Variants in KRTAP5-10 observed in about 807,000 individuals in gnomAD.
KRTAP5-10 encodes keratin associated protein 5-10, also known as keratin-associated protein 5-10.
KRTAP5-10 carries 1 observed loss-of-function variant against 1.6 expected under a neutral mutation model. The observed-to-expected ratio is 0.64, with a 90% CI of 0.23 to 3.04. KRTAP5-10 has a LOEUF of 3.04. Among genes scored for constraint, KRTAP5-10 ranks in the 30% most tolerant of loss-of-function variants. The pLI is 0.21. For synonymous variants in KRTAP5-10, 76 were observed against 102.0 expected (o/e 0.75, Z 1.54); for missense variants, 219 against 255.2 (o/e 0.86, Z 0.97).
In KRTAP5-10 at chr11:71,565,669, T is replaced by C. The variant is rs773754415; in HGVS notation, c.82T>C (p.Cys28Arg). The C allele has an allele frequency of 3.8e-6, 6 of 1,589,642 alleles. No homozygotes were observed. Among genetic ancestry groups the C allele is most frequent in the Middle Eastern group, 2.1e-4 (1 of 4,790 alleles). The change falls in exon 1 of 1, where the codon TGT becomes CGT. Residue 28 changes from cysteine (C) to arginine (R), a missense_variant. By Grantham distance (180) the Cys-to-Arg change is radical. Around this residue, in one of 3 missense-constraint regions of KRTAP5-10, gnomAD observed 92 missense variants for 108.8 expected, o/e 0.85. Transcript: ENST00000398531. The part of the protein sequence containing the change: ...GSGCGGCGSG[C>R]GGYGSGCGGC... Reference sequence around the variant, plus strand: ...CGGCTGTGGGGGCTGTGGCTCCGGCTGTGGGGGCTATGGCTCTGGCTGTGG... The same window carrying C: ...CGGCTGTGGGGGCTGTGGCTCCGGCCGTGGGGGCTATGGCTCTGGCTGTGG...
Position 71,566,334 on chromosome 11 carries a change from T to A in KRTAP5-10, c.*138T>A. 2 of 1,324,874 alleles carry A rather than the reference T, an allele frequency of 1.5e-6. No individual in the cohort carries two copies. The highest frequency in any genetic ancestry group is 2.4e-5 in the East Asian group (1 of 42,502). The allele number at this position is 1,324,874 out of a possible 1,614,324, so 82.1% of individuals were successfully genotyped here. A position where few individuals can be genotyped will look rare whatever the true frequency, so the allele number is the denominator to read the frequency against. On this transcript the variant is annotated 3_prime_UTR_variant, in exon 1 of 1. Coordinates refer to ENST00000398531, the MANE Select transcript of KRTAP5-10 (RefSeq NM_001012710.2). ...CTCATCATCCATGCACGCACCTCCT[T>A]CCATGGCTCAGCTCTCCACTGGGCC...
chr11:71,566,109 C>G lies in KRTAP5-10; in HGVS notation c.522C>G (p.Val174=). 1 of 1,610,088 alleles carries G rather than the reference C, an allele frequency of 6.2e-7. No homozygotes were observed. ...NPCCCQSSCC[V]PVCCQSSCCK... The stretch of plus-strand genomic sequence containing the variant: ...GCTGCTGCCAGTCCAGCTGCTGTGT[C>G]CCCGTGTGCTGCCAGTCTAGCTGCT... The change falls in exon 1 of 1, where the codon GTC becomes GTG. Residue 174 remains valine, a synonymous_variant. Coordinates refer to ENST00000398531, the MANE Select transcript of KRTAP5-10 (RefSeq NM_001012710.2).
rs924160482 is a variant in KRTAP5-10 at position 71,566,578 on chromosome 11, T to C, written c.*382T>C. 1.4e-4 allele frequency: 38 copies of C among 278,960 alleles called. No individual in the cohort carries two copies. The highest frequency in any genetic ancestry group is 3.6e-4 in the Admixed American group (7 of 19,456). The allele number at this position is 278,960 out of a possible 1,614,324, so 17.3% of individuals were successfully genotyped here. A position where few individuals can be genotyped will look rare whatever the true frequency, so the allele number is the denominator to read the frequency against. ...CTAAGAACCAGCTTCTCAACCACCA[T>C]TGGGACCCTGGATCCTCCAGGGCCG... On this transcript the variant is annotated 3_prime_UTR_variant, in exon 1 of 1. Transcript: ENST00000398531.
At position 71,566,242 on chromosome 11, in the gene KRTAP5-10, T is replaced by C; in HGVS notation, c.*46T>C. ...AGGTTTCACCTGTTTGGTGAAAGCA[T>C]TTGTTATGATTTCCCTGAATTAATT... On this transcript the variant is annotated 3_prime_UTR_variant, in exon 1 of 1. Transcript: ENST00000398531. 2 of 1,610,094 alleles carry C rather than the reference T, an allele frequency of 1.2e-6. No homozygotes were observed. Among genetic ancestry groups the C allele is most frequent in the Non-Finnish European group, 1.7e-6 (2 of 1,177,082 alleles).
chr11:71,566,227 T>G lies in KRTAP5-10; in HGVS notation c.*31T>G, dbSNP rs66487667. The stretch of plus-strand genomic sequence containing the variant: ...TGAACCCAGACCTTCAGGTTTCACC[T>G]GTTTGGTGAAAGCATTTGTTATGAT... On this transcript the variant is annotated 3_prime_UTR_variant, in exon 1 of 1. Coordinates refer to ENST00000398531, the MANE Select transcript of KRTAP5-10 (RefSeq NM_001012710.2). The G allele has an allele frequency of 0.09, 144,995 of 1,612,786 alleles. 7,652 individuals are homozygous for G. Among genetic ancestry groups the G allele is most frequent in the Middle Eastern group, 0.19 (1,139 of 6,052 alleles).
At position 71,566,064 on chromosome 11, in the gene KRTAP5-10, G is replaced by A; in HGVS notation, c.477G>A (p.Gln159=). 6.2e-7 allele frequency: 1 copy of A among 1,611,310 alleles called. No individual in the cohort carries two copies. The highest frequency in any genetic ancestry group is 8.5e-7 in the Non-Finnish European group (1 of 1,179,648). The change falls in exon 1 of 1, where the codon CAG becomes CAA. Residue 159 remains glutamine (Q), a synonymous_variant. Transcript: ENST00000398531. ...CCTCAGGCTGTGGATCCTGCTGCCAGTCCAGCTGCTGCAATCCCTGCTGCT... is the reference window on the plus strand; with the variant it reads ...CCTCAGGCTGTGGATCCTGCTGCCAATCCAGCTGCTGCAATCCCTGCTGCT... ...CCSSGCGSCC[Q]SSCCNPCCCQ...
chr11:71,565,602 C>G lies in KRTAP5-10; in HGVS notation c.15C>G (p.Gly5=). Residue 5 remains glycine (G), a synonymous_variant, in exon 1 of 1, where the codon GGC becomes GGG. Transcript: ENST00000398531. MGCC[G]CSGGCGSGCG... is the part of the protein sequence containing the mutation. ...CTACCAGAATCATGGGCTGCTGTGG[C>G]TGCTCCGGAGGCTGTGGCTCCGGCT... 1 of 1,611,116 alleles carries G rather than the reference C, an allele frequency of 6.2e-7. No homozygotes were observed. Among genetic ancestry groups the G allele is most frequent in the Non-Finnish European group, 8.5e-7 (1 of 1,179,572 alleles).
rs781339465 is a variant in KRTAP5-10 at position 71,565,961 on chromosome 11, G to T, written c.374G>T (p.Gly125Val). The part of the protein sequence containing the change: ...GSCGGSKGGC[G>V]SCGGSKGGCG... ...TGTGGGGGCTCCAAAGGTGGCTGTG[G>T]TTCCTGTGGGGGCTCCAAGGGGGGC... Residue 125 changes from glycine (G) to valine (V), a missense_variant, in exon 1 of 1, where the codon GGT (glycine) becomes GTT (valine). Coordinates refer to ENST00000398531, the MANE Select transcript of KRTAP5-10 (RefSeq NM_001012710.2). The T allele has an allele frequency of 2.5e-6, 4 of 1,584,242 alleles. No individual in the cohort carries two copies. The highest frequency in any genetic ancestry group is 3.4e-6 in the Non-Finnish European group (4 of 1,163,346).
rs1459674490 is a variant in KRTAP5-10 at position 71,565,824 on chromosome 11, C to A, written c.237C>A (p.Gly79=). 6.5e-7 allele frequency: 1 copy of A among 1,531,284 alleles called. No individual in the cohort carries two copies. Among genetic ancestry groups the A allele is most frequent in the South Asian group, 1.2e-5 (1 of 82,368 alleles). 94.9% of individuals were successfully genotyped at this position (1,531,284 alleles called of 1,614,324 possible). A position where few individuals can be genotyped will look rare whatever the true frequency, so the allele number is the denominator to read the frequency against. ...GSKGDCGSCG[G]SKGGCGSCGG... ...AGGGGGACTGTGGCTCTTGTGGGGGCTCCAAAGGGGGCTGTGGTTCCTGTG... is the reference window on the plus strand; with the variant it reads ...AGGGGGACTGTGGCTCTTGTGGGGGATCCAAAGGGGGCTGTGGTTCCTGTG... The change falls in exon 1 of 1, where the codon GGC becomes GGA. Residue 79 remains glycine, a synonymous_variant. Coordinates refer to ENST00000398531, the MANE Select transcript of KRTAP5-10 (RefSeq NM_001012710.2).
Position 71,566,358 on chromosome 11 carries a change from C to A in KRTAP5-10, c.*162C>A, listed in dbSNP as rs1309388855. On this transcript the variant is annotated 3_prime_UTR_variant, in exon 1 of 1. Transcript: ENST00000398531. ...TTCCATGGCTCAGCTCTCCACTGGGCCCTGCCTTCAGCCTCCTCACTCCGG... is the reference window on the plus strand; with the variant it reads ...TTCCATGGCTCAGCTCTCCACTGGGACCTGCCTTCAGCCTCCTCACTCCGG... 1.7e-6 allele frequency: 2 copies of A among 1,143,926 alleles called. No individual in the cohort carries two copies. The highest frequency in any genetic ancestry group is 2.5e-6 in the Non-Finnish European group (2 of 802,998). 70.9% of individuals were successfully genotyped at this position (1,143,926 alleles called of 1,614,324 possible).
rs767121977 is a variant in KRTAP5-10 at position 71,565,949 on chromosome 11, A to C, written c.362A>C (p.Lys121Thr). 47 of 1,342,044 alleles carry C rather than the reference A, an allele frequency of 3.5e-5. No homozygotes were observed. Among genetic ancestry groups the C allele is most frequent in the Non-Finnish European group, 4.6e-5 (47 of 1,020,018 alleles). The allele number at this position is 1,342,044 out of a possible 1,614,324, so 83.1% of individuals were successfully genotyped here. Residue 121 changes from lysine to threonine, a missense_variant, in exon 1 of 1, where the codon AAA becomes ACA. Coordinates refer to ENST00000398531, the MANE Select transcript of KRTAP5-10 (RefSeq NM_001012710.2). ...GGCTGTGGCTCCTGTGGGGGCTCCA[A>C]AGGTGGCTGTGGTTCCTGTGGGGGC... Reference protein sequence around the residue: ...KGGCGSCGGSKGGCGSCGGSK... With the variant: ...KGGCGSCGGSTGGCGSCGGSK...
rs1253852913 is a variant in KRTAP5-10, at chr11:71,565,750, T to C, written c.163T>C (p.Cys55Arg). The C allele has an allele frequency of 6.3e-7, 1 of 1,588,236 alleles. No homozygotes were observed. The highest frequency in any genetic ancestry group is 8.6e-7 in the Non-Finnish European group (1 of 1,167,528). The change falls in exon 1 of 1, where the codon TGT (cysteine) becomes CGT (arginine). Residue 55 changes from cysteine (C) to arginine (R), a missense_variant. Around this residue, in one of 3 missense-constraint regions of KRTAP5-10, gnomAD observed 92 missense variants for 108.8 expected, o/e 0.85. Transcript: ENST00000398531. ...CTGCTGCTGCAAGCCCGTGTGCTGC[T>C]GTGTGCCAGCCTGTTCCTGCTCCAG... Reference protein sequence around the residue: ...PVCCCKPVCCCVPACSCSSCG... With the variant: ...PVCCCKPVCCRVPACSCSSCG...
At position 71,565,958 on chromosome 11, in the gene KRTAP5-10, G is replaced by C; in HGVS notation, c.371G>C (p.Cys124Ser). 1 of 1,584,646 alleles carries C rather than the reference G, an allele frequency of 6.3e-7. No individual in the cohort carries two copies. Among genetic ancestry groups the C allele is most frequent in the Non-Finnish European group, 8.6e-7 (1 of 1,163,452 alleles). Residue 124 changes from cysteine to serine, a missense_variant, in exon 1 of 1, where the codon TGT becomes TCT. By Grantham distance (112) the Cys-to-Ser change is moderately radical. Transcript: ENST00000398531. ...CGSCGGSKGG[C>S]GSCGGSKGGC... is the part of the protein sequence containing the mutation. Reference sequence around the variant, plus strand: ...TCCTGTGGGGGCTCCAAAGGTGGCTGTGGTTCCTGTGGGGGCTCCAAGGGG... The same window carrying C: ...TCCTGTGGGGGCTCCAAAGGTGGCTCTGGTTCCTGTGGGGGCTCCAAGGGG...
Position 71,566,318 on chromosome 11 carries a change from C to T in KRTAP5-10, c.*122C>T. ...CCTGCCCCTTCTCCAGCTCATCATCCATGCACGCACCTCCTTCCATGGCTC... is the reference window on the plus strand; with the variant it reads ...CCTGCCCCTTCTCCAGCTCATCATCTATGCACGCACCTCCTTCCATGGCTC... On this transcript the variant is annotated 3_prime_UTR_variant, in exon 1 of 1. Transcript: ENST00000398531. 7.0e-7 allele frequency: 1 copy of T among 1,434,996 alleles called. No individual in the cohort carries two copies. Among genetic ancestry groups the T allele is most frequent in the South Asian group, 1.3e-5 (1 of 78,226 alleles). The allele number at this position is 1,434,996 out of a possible 1,614,324, so 88.9% of individuals were successfully genotyped here. A position where few individuals can be genotyped will look rare whatever the true frequency, so the allele number is the denominator to read the frequency against.
chr11:71,566,289 G>T lies in KRTAP5-10; in HGVS notation c.*93G>T, dbSNP rs1950191296. 22 of 1,566,864 alleles carry T rather than the reference G, an allele frequency of 1.4e-5. No individual in the cohort carries two copies. Among genetic ancestry groups the T allele is most frequent in the Non-Finnish European group, 1.7e-5 (20 of 1,149,816 alleles). ...AATTCATCCCACGCATCCTCCCTGA[G>T]GCACCTGCCCCTTCTCCAGCTCATC... On this transcript the variant is annotated 3_prime_UTR_variant, in exon 1 of 1. Transcript: ENST00000398531.
In KRTAP5-10 at chr11:71,565,691, G is replaced by A. The variant is rs1196709292; in HGVS notation, c.104G>A (p.Cys35Tyr). ...GSGCGGYGSGCGGCGSSCCVP... is the reference protein window; with the variant it reads ...GSGCGGYGSGYGGCGSSCCVP... ...GGCTGTGGGGGCTATGGCTCTGGCT[G>A]TGGGGGCTGTGGCTCCAGCTGCTGT... The change falls in exon 1 of 1, where the codon TGT becomes TAT. Residue 35 changes from cysteine to tyrosine, a missense_variant. Cys to Tyr is a radical substitution (Grantham distance 194, BLOSUM62 -2). Coordinates refer to ENST00000398531, the MANE Select transcript of KRTAP5-10 (RefSeq NM_001012710.2). 4 of 1,610,590 alleles carry A rather than the reference G, an allele frequency of 2.5e-6. No individual in the cohort carries two copies. The highest frequency in any genetic ancestry group is 1.1e-5 in the South Asian group (1 of 90,894).
chr11:71,566,462 C>T lies in KRTAP5-10; in HGVS notation c.*266C>T. On this transcript the variant is annotated 3_prime_UTR_variant, in exon 1 of 1. Coordinates refer to ENST00000398531, the MANE Select transcript of KRTAP5-10 (RefSeq NM_001012710.2). ...GCCAACTGCCATGGTGTTCCCTGCA[C>T]TTGGGTGTGGACCATCTTCTTCTTC... is the stretch of plus-strand genomic sequence containing the variant. The T allele has an allele frequency of 1.7e-6, 1 of 597,502 alleles. No individual in the cohort carries two copies. Among genetic ancestry groups the T allele is most frequent in the Non-Finnish European group, 3.0e-6 (1 of 330,626 alleles). The allele number at this position is 597,502 out of a possible 1,614,324, so 37.0% of individuals were successfully genotyped here.
rs570855626 is a variant in KRTAP5-10, at chr11:71,565,665, C to T, written c.78C>T (p.Ser26=). Residue 26 remains serine (S), a synonymous_variant, in exon 1 of 1, where the codon TCC becomes TCT. Coordinates refer to ENST00000398531, the MANE Select transcript of KRTAP5-10 (RefSeq NM_001012710.2). ...GCTCCGGCTGTGGGGGCTGTGGCTCCGGCTGTGGGGGCTATGGCTCTGGCT... is the reference window on the plus strand; with the variant it reads ...GCTCCGGCTGTGGGGGCTGTGGCTCTGGCTGTGGGGGCTATGGCTCTGGCT... ...GCGSGCGGCG[S]GCGGYGSGCG... is the part of the protein sequence containing the mutation. 512 of 1,586,024 alleles carry T rather than the reference C, an allele frequency of 3.2e-4. 7 individuals are homozygous for T. In the South Asian group the frequency reaches 3.6e-3, roughly 11 times the overall value.
chr11:71,565,793 G>C lies in KRTAP5-10; in HGVS notation c.206G>C (p.Gly69Ala). 1 of 1,547,804 alleles carries C rather than the reference G, an allele frequency of 6.5e-7. No homozygotes were observed. The highest frequency in any genetic ancestry group is 8.8e-7 in the Non-Finnish European group (1 of 1,138,928). The change falls in exon 1 of 1, where the codon GGC (glycine) becomes GCC (alanine). Residue 69 changes from glycine (G) to alanine (A), a missense_variant. Physicochemically the swap from Gly to Ala is moderately conservative, Grantham distance 60. Coordinates refer to ENST00000398531, the MANE Select transcript of KRTAP5-10 (RefSeq NM_001012710.2). ...CSCSSCGSCGGSKGDCGSCGG... is the reference protein window; with the variant it reads ...CSCSSCGSCGASKGDCGSCGG... ...TGCTCCAGCTGTGGCTCCTGTGGGGGCTCCAAGGGGGACTGTGGCTCTTGT... is the reference window on the plus strand; with the variant it reads ...TGCTCCAGCTGTGGCTCCTGTGGGGCCTCCAAGGGGGACTGTGGCTCTTGT...
Sources: allele counts gnomAD v4.1 joint callset, GRCh38; gene constraint gnomAD v4.1.1; regional missense constraint gnomAD v4.1.1; transcripts MANE v1.5; gene names NCBI Gene and HGNC (gene_info 2026-07-23, HGNC 2026-07-21).